Variants in SEC11A observed in about 807,000 individuals in gnomAD.
SEC11A encodes SEC11 homolog A, signal peptidase complex subunit.
SEC11A carries 14 observed loss-of-function variants against 25.6 expected under a neutral mutation model. That is an observed-to-expected ratio of 0.55 (90% CI 0.36 to 0.85). SEC11A has a LOEUF of 0.85. Among genes scored for constraint, SEC11A ranks in the 40% least tolerant of loss-of-function variants. SEC11A has a pLI of 0.01. For synonymous variants in SEC11A, 83 were observed against 76.4 expected, an observed-to-expected ratio of 1.09 and a Z score of -0.45; for missense variants, 153 against 222.9, an observed-to-expected ratio of 0.69 and a Z score of 2.00.
chr15:84,713,381 AG>A (rs1394913208), intron 1 of SEC11A, among the ~76,000 whole-genome samples: 6 of 152,184 alleles, frequency 3.9e-5, no homozygotes, highest in Non-Finnish European at 7.3e-5. Context: ...CAACTTTTAG[AG>A]GAATAAAACA....
chr15:84,689,376 T>C (rs1431561795), intron 2 of SEC11A, among the ~76,000 whole-genome samples: 1 of 152,184 alleles, frequency 6.6e-6, no homozygotes, highest in East Asian at 1.9e-4. Context: ...GTTGTATACA[T>C]TAAATATGTA....
At chr15:84,687,552 G>C in intron 3 of SEC11A, 73 bp downstream of exon 3, 3 of 1,271,610 alleles carry the variant, frequency 2.4e-6, no homozygotes, top group Non-Finnish European at 3.2e-6. Context: ...CAATCTTTAG[G>C]CTATCAAAAC....
At chr15:84,676,727 A>G (rs1897143742) in intron 4 of SEC11A, among the ~76,000 whole-genome samples, 1 of 151,858 alleles carries the variant, frequency 6.6e-6, no homozygotes, top group African/African-American at 2.4e-5. Context: ...CAGAGGTTGC[A>G]GTGAGCTAAG....
intron 1 of SEC11A, among the ~76,000 whole-genome samples, chr15:84,707,532 G>C (rs1318604221): frequency 6.6e-6 from 1 of 152,102 alleles, no homozygotes; most frequent in Non-Finnish European, 1.5e-5. Context: ...ATTCATAGTA[G>C]TTCTTCTTCC....
Position 84,674,566 on chromosome 15 carries a change from AT to A in SEC11A, c.432-3785del, listed in dbSNP as rs1314557198. Among the ~76,000 whole-genome samples, 613 of 143,428 alleles carry A rather than the reference AT, an allele frequency of 4.3e-3. 3 individuals carry two copies. Among genetic ancestry groups the A allele is most frequent in the African/African-American group, 0.015 (570 of 38,368 alleles). 94.1% of individuals were successfully genotyped at this position (143,428 alleles called of 152,430 possible). On this transcript the variant is annotated intron_variant, in intron 4 of 5. Transcript: ENST00000268220. ...TAATCCATGGAATTTAAAAAAAAAAATTTTTTTTTTGATACATGATCTTACT... is the reference window on the plus strand; with the variant it reads ...TAATCCATGGAATTTAAAAAAAAAAATTTTTTTTTGATACATGATCTTACT...
intron 1 of SEC11A, among the ~76,000 whole-genome samples, chr15:84,706,889 A>G (rs1300173426): frequency 6.6e-6 from 1 of 152,234 alleles, no homozygotes; most frequent in African/African-American, 2.4e-5. Context: ...GCAGAAGGTC[A>G]CTGTAGTTAG....
At chr15:84,704,368 T>C (rs1028944072) in intron 1 of SEC11A, among the ~76,000 whole-genome samples, 6 of 152,206 alleles carry the variant, frequency 3.9e-5, no homozygotes, top group African/African-American at 1.4e-4. Context: ...CCTCATCACC[T>C]TGAAGTAGCT....
intron 4 of SEC11A, chr15:84,673,275 G>A (rs1043030735): frequency 3.2e-4 from 66 of 205,646 alleles, no homozygotes; most frequent in Non-Finnish European, 5.7e-4. Flanking sequence ...CATTGAGAAC[G>A]GGCCATGATG....
chr15:84,689,314 C>G (rs1042953038), intron 2 of SEC11A, among the ~76,000 whole-genome samples: 3 of 151,994 alleles, frequency 2.0e-5, no homozygotes, highest in Non-Finnish European at 2.9e-5. Context: ...TATTCACTTG[C>G]TTGATTGTGA....
intron 4 of SEC11A, among the ~76,000 whole-genome samples, chr15:84,675,782 C>T (rs767995279): frequency 1.5e-4 from 23 of 152,262 alleles, no homozygotes; most frequent in Admixed American, 6.5e-4. Context: ...AAGAAATCAC[C>T]TTTATTAATA....
chr15:84,713,889 C>G (rs577217481), intron 1 of SEC11A, among the ~76,000 whole-genome samples: 1 of 152,102 alleles, frequency 6.6e-6, no homozygotes, highest in African/African-American at 2.4e-5. Flanking sequence ...TGAAGCTGTT[C>G]GTAATGCCCT....
At position 84,700,984 on chromosome 15, in the gene SEC11A, CAAAAAAA is replaced by C. The variant is rs57015135; in HGVS notation, c.52-9347_52-9341del. Reference sequence around the variant, plus strand: ...GGGCAACAAGAGCGAAACTCCATATCAAAAAAAAAAAAAAAAAAAAAATCCAAGACCT... The same window carrying C: ...GGGCAACAAGAGCGAAACTCCATATCAAAAAAAAAAAAAAATCCAAGACCT... On this transcript the variant is annotated intron_variant, in intron 1 of 5. Coordinates refer to ENST00000268220, the MANE Select transcript of SEC11A (RefSeq NM_014300.4). Among the ~76,000 whole-genome samples, 62 of 78,014 alleles carry C rather than the reference CAAAAAAA, an allele frequency of 7.9e-4. No homozygotes were observed. The East Asian group carries it at 0.023, about 28-fold the overall frequency. The allele number at this position is 78,014 out of a possible 152,430, so 51.2% of individuals were successfully genotyped here.
intron 4 of SEC11A, chr15:84,671,001 G>A (rs1896969292): frequency 8.2e-6 from 3 of 366,230 alleles, no homozygotes; most frequent in Non-Finnish European, 5.0e-6. Flanking sequence ...CATGCCCAAG[G>A]TACATGGTTT....
At chr15:84,684,293 T>C (rs904553652) in intron 3 of SEC11A, among the ~76,000 whole-genome samples, 11 of 152,178 alleles carry the variant, frequency 7.2e-5, no homozygotes, top group African/African-American at 7.2e-5. Flanking sequence ...TGGGAGGTAA[T>C]TGAGTCATGG....
At chr15:84,683,955 A>G (rs926486890) in intron 3 of SEC11A, among the ~76,000 whole-genome samples, 16 of 152,192 alleles carry the variant, frequency 1.1e-4, no homozygotes, top group African/African-American at 3.9e-4. Flanking sequence ...ATCTACTTCT[A>G]GGGAGATCAA....
chr15:84,677,533 C>T (rs987735551), intron 4 of SEC11A, among the ~76,000 whole-genome samples: 12 of 148,014 alleles, frequency 8.1e-5, no homozygotes, highest in African/African-American at 2.8e-4. Context: ...AGTGCAGTGG[C>T]GTGATCTCGG....
Position 84,669,619 on chromosome 15 carries a change from T to C in SEC11A, c.*400A>G, listed in dbSNP as rs1176042412. The C allele has an allele frequency of 2.7e-5, 5 of 186,398 alleles. No homozygotes were observed. The highest frequency in any genetic ancestry group is 1.2e-4 in the South Asian group (1 of 8,346). The allele number at this position is 186,398 out of a possible 1,614,324, so 11.5% of individuals were successfully genotyped here. A position where few individuals can be genotyped will look rare whatever the true frequency, so the allele number is the denominator to read the frequency against. On this transcript the variant is annotated 3_prime_UTR_variant, in exon 6 of 6. Transcript: ENST00000268220. ...CCACCTCAGTATATGCCATTCCTAATAGAAGGAGGTATGACGGTTTCAAAC... is the reference window on the plus strand; with the variant it reads ...CCACCTCAGTATATGCCATTCCTAACAGAAGGAGGTATGACGGTTTCAAAC...
chr15:84,674,844 G>A (rs1022867456), intron 4 of SEC11A, among the ~76,000 whole-genome samples: 1 of 152,192 alleles, frequency 6.6e-6, no homozygotes, highest in African/African-American at 2.4e-5. Context: ...ACAAGCGTGA[G>A]CCACCACACA....
At chr15:84,696,572 C>T (rs1309908110) in intron 1 of SEC11A, among the ~76,000 whole-genome samples, 5 of 152,116 alleles carry the variant, frequency 3.3e-5, no homozygotes, top group Non-Finnish European at 1.5e-5. Flanking sequence ...ATCCCTTACT[C>T]AAAACCCTTG....
Sources: allele counts gnomAD v4.1 joint callset (sites outside exome capture counted in the v4.1 genomes callset), GRCh38; gene constraint gnomAD v4.1.1; transcripts MANE v1.5; gene names NCBI Gene and HGNC (gene_info 2026-07-23, HGNC 2026-07-21).